SLC24A2: variants seen among roughly 807,000 people sequenced by gnomAD.
The protein encoded by SLC24A2 is solute carrier family 24 member 2, also known as sodium/potassium/calcium exchanger 2.
In SLC24A2, 36 loss-of-function variants were observed where a neutral mutation model predicts 62.0. The ratio of observed to expected loss-of-function variants is 0.58; its 90% confidence interval spans 0.44 to 0.77. The LOEUF (loss-of-function observed/expected upper bound fraction) is 0.77, where lower values mean the gene tolerates loss of function less well. SLC24A2 is among the 30% of genes least tolerant of loss of function. The pLI is 0.00. For synonymous variants in SLC24A2, 358 were observed against 294.0 expected, an observed-to-expected ratio of 1.22 and a Z score of -2.23; for missense variants, 846 against 817.9, an observed-to-expected ratio of 1.03 and a Z score of -0.42.
chr9:20,261,266 TGACA>T, the SLC24A2 span, among the ~76,000 whole-genome samples: 1 of 152,138 alleles, frequency 6.6e-6, no homozygotes, highest in East Asian at 1.9e-4. Flanking sequence ...CTAGAATAAT[TGACA>T]GACTTCATAA....
chr9:19,705,961 G>C (rs1273847356), intron 2 of SLC24A2, among the ~76,000 whole-genome samples: 1 of 151,272 alleles, frequency 6.6e-6, no homozygotes, highest in South Asian at 2.1e-4. Flanking sequence ...GCTTGGTGCA[G>C]AGCTGAGTTC....
intron 2 of SLC24A2, among the ~76,000 whole-genome samples, chr9:19,714,105 A>G (rs1013627124): frequency 6.6e-6 from 1 of 152,216 alleles, no homozygotes; most frequent in African/African-American, 2.4e-5. Flanking sequence ...CTACTTTCAC[A>G]TTTTCAAGGT....
the SLC24A2 span, among the ~76,000 whole-genome samples, chr9:19,816,952 C>T: frequency 2.6e-5 from 4 of 152,106 alleles, no homozygotes; most frequent in African/African-American, 9.7e-5. Context: ...ATCTCTGCCA[C>T]TCCATGATGT....
At chr9:20,199,011 A>C in the SLC24A2 span, among the ~76,000 whole-genome samples, 1 of 152,232 alleles carries the variant, frequency 6.6e-6, no homozygotes, top group African/African-American at 2.4e-5. Flanking sequence ...GGTGCAGGAA[A>C]AATAGAAAAG....
chr9:19,720,727 A>G (rs1821000914), intron 2 of SLC24A2, among the ~76,000 whole-genome samples: 5 of 141,938 alleles, frequency 3.5e-5, no homozygotes, highest in Admixed American at 2.8e-4. Context: ...ATGTGGCTCA[A>G]GAGGATTCAA....
At chr9:20,100,914 G>T in the SLC24A2 span, among the ~76,000 whole-genome samples, 1 of 152,082 alleles carries the variant, frequency 6.6e-6, no homozygotes, top group African/African-American at 2.4e-5. Flanking sequence ...CTTCCTACAG[G>T]TATTGTGGTC....
the SLC24A2 span, among the ~76,000 whole-genome samples, chr9:20,206,213 C>G: frequency 2.0e-5 from 3 of 152,150 alleles, no homozygotes; most frequent in African/African-American, 7.2e-5. Context: ...ACACAATTAT[C>G]TGAAAAGTCT....
chr9:19,517,977 G>C (rs1223250216), intron 10 of SLC24A2, among the ~76,000 whole-genome samples: 1 of 147,176 alleles, frequency 6.8e-6, no homozygotes, highest in Admixed American at 6.8e-5. Context: ...TTCTAGTGAA[G>C]TTGAGTTTAA....
rs189795227 is a variant in SLC24A2, at chr9:19,556,383, T to C, written c.1348-6115A>G. On this transcript the variant is annotated intron_variant, in intron 7 of 10. Transcript: ENST00000341998. Reference sequence around the variant, plus strand: ...TCTTGGAGGCAACCCGGTTTCTTATTTTTTGTCTGTGAAGGGCACTGAGCA... The same window carrying C: ...TCTTGGAGGCAACCCGGTTTCTTATCTTTTGTCTGTGAAGGGCACTGAGCA... Among the ~76,000 whole-genome samples the C allele has an allele frequency of 3.3e-5, 5 of 152,336 alleles. No homozygotes were observed. The East Asian group carries it at 9.6e-4, about 29-fold the overall frequency.
the SLC24A2 span, among the ~76,000 whole-genome samples, chr9:20,162,501 CA>C: frequency 6.6e-6 from 1 of 151,848 alleles, no homozygotes; most frequent in African/African-American, 2.4e-5. Context: ...GCTTACCAAC[CA>C]AAAAGAGTCC....
At chr9:19,579,538 T>C (rs949168128) in intron 5 of SLC24A2, among the ~76,000 whole-genome samples, 3 of 152,218 alleles carry the variant, frequency 2.0e-5, no homozygotes, top group Admixed American at 2.0e-4. Flanking sequence ...CATCCCATCA[T>C]GGTCTCAGGG....
At chr9:19,663,327 G>A (rs1188404492) in intron 2 of SLC24A2, among the ~76,000 whole-genome samples, 2 of 152,192 alleles carry the variant, frequency 1.3e-5, no homozygotes, top group Non-Finnish European at 2.9e-5. Context: ...TTCCCACAAA[G>A]TTCTAGAGCA....
At chr9:20,234,742 C>T in the SLC24A2 span, among the ~76,000 whole-genome samples, 1 of 152,258 alleles carries the variant, frequency 6.6e-6, no homozygotes, top group Non-Finnish European at 1.5e-5. Context: ...AGTCATTCTC[C>T]ATCCAGCTTT....
chr9:19,977,110 T>C, the SLC24A2 span, among the ~76,000 whole-genome samples: 1 of 122,028 alleles, frequency 8.2e-6, no homozygotes, highest in Non-Finnish European at 1.7e-5. Context: ...AACATTTCTA[T>C]ATTTGTGTGT....
At chr9:19,659,708 C>G (rs1165921897) in intron 2 of SLC24A2, among the ~76,000 whole-genome samples, 1 of 152,130 alleles carries the variant, frequency 6.6e-6, no homozygotes, top group Non-Finnish European at 1.5e-5. Flanking sequence ...GATTTTCAGA[C>G]CAGGTGGGTC....
the SLC24A2 span, among the ~76,000 whole-genome samples, chr9:20,273,023 G>A: frequency 6.6e-6 from 1 of 152,138 alleles, no homozygotes; most frequent in East Asian, 1.9e-4. Context: ...GCCAGGGTCT[G>A]GGAAGAAGAG....
At chr9:20,285,586 A>G in the SLC24A2 span, among the ~76,000 whole-genome samples, 58 of 152,306 alleles carry the variant, frequency 3.8e-4, 1 homozygote, top group African/African-American at 1.4e-3. Context: ...AGGGCCACTG[A>G]TATCAGAGAG....
rs1489908788 is a variant in SLC24A2, at chr9:19,511,978, T to C, written c.*4175A>G. 2 of 152,234 alleles carry C rather than the reference T, an allele frequency of 1.3e-5. No homozygotes were observed. The highest frequency in any genetic ancestry group is 1.3e-4 in the Admixed American group (2 of 15,276). The allele number at this position is 152,234 out of a possible 1,614,324, so 9.4% of individuals were successfully genotyped here. A position where few individuals can be genotyped will look rare whatever the true frequency, so the allele number is the denominator to read the frequency against. ...TGTTAGATAGTCCAACGCAGTAATT[T>C]CTGCAGAGCATTTAATGCAACTTCC... On this transcript the variant is annotated 3_prime_UTR_variant, in exon 11 of 11. Coordinates refer to ENST00000341998, the MANE Select transcript of SLC24A2 (RefSeq NM_020344.4).
At chr9:19,761,961 T>C (rs955197388) in intron 2 of SLC24A2, among the ~76,000 whole-genome samples, 3 of 152,202 alleles carry the variant, frequency 2.0e-5, no homozygotes, top group South Asian at 4.1e-4. Flanking sequence ...TGTGTCCTTA[T>C]AGCAGCATGA....
Sources: allele counts gnomAD v4.1 joint callset (sites outside exome capture counted in the v4.1 genomes callset), GRCh38; gene constraint gnomAD v4.1.1; transcripts MANE v1.5; gene names NCBI Gene and HGNC (gene_info 2026-07-23, HGNC 2026-07-21).